Variants in TENM2 observed in about 807,000 individuals in gnomAD.
TENM2 encodes the protein teneurin transmembrane protein 2.
Under a neutral mutation model 245.2 loss-of-function variants are expected in TENM2, and 52 were observed. That is an observed-to-expected ratio of 0.21 (90% CI 0.17 to 0.27). The LOEUF (loss-of-function observed/expected upper bound fraction) is 0.27. Among genes scored for constraint, TENM2 ranks in the 10% least tolerant of loss-of-function variants. The pLI is 1.00. For missense variants in TENM2, 3,046 were observed against 3,666.8 expected, an observed-to-expected ratio of 0.83 and a Z score of 4.37; for synonymous variants, 1,363 against 1,438.9, an observed-to-expected ratio of 0.95 and a Z score of 1.19.
intron 1 of TENM2, among the ~76,000 whole-genome samples, chr5:167,370,818 A>C (rs1760371967): frequency 6.6e-6 from 1 of 152,218 alleles, no homozygotes; most frequent in Non-Finnish European, 1.5e-5. Flanking sequence ...AGTAAAGAAG[A>C]ATGAAGGGTT....
chr5:168,092,617 C>T (rs535335873), intron 8 of TENM2, among the ~76,000 whole-genome samples: 50 of 152,138 alleles, frequency 3.3e-4, no homozygotes, highest in African/African-American at 9.9e-4. Context: ...TAGGTACCAA[C>T]GGGGAAGAAA....
At chr5:167,223,756 A>G in the TENM2 span, among the ~76,000 whole-genome samples, 3 of 152,108 alleles carry the variant, frequency 2.0e-5, no homozygotes, top group African/African-American at 7.2e-5. Flanking sequence ...GTTTTTTGAG[A>G]AATCTCCATA....
At chr5:167,762,019 G>T (rs889089697) in intron 2 of TENM2, among the ~76,000 whole-genome samples, 1 of 152,188 alleles carries the variant, frequency 6.6e-6, no homozygotes, top group Non-Finnish European at 1.5e-5. Flanking sequence ...TTAAGTACAT[G>T]CAGAAGCGCT....
intron 2 of TENM2, among the ~76,000 whole-genome samples, chr5:167,555,134 C>T (rs2127629232): frequency 6.6e-6 from 1 of 152,280 alleles, no homozygotes; most frequent in Non-Finnish European, 1.5e-5. Context: ...CAAACACACA[C>T]ACTTGTTTCC....
intron 9 of TENM2, among the ~76,000 whole-genome samples, chr5:168,111,423 G>A (rs948965475): frequency 1.3e-5 from 2 of 152,146 alleles, no homozygotes; most frequent in Non-Finnish European, 2.9e-5. Flanking sequence ...ACTCTGGGCA[G>A]GACGGTGGCA....
intron 5 of TENM2, among the ~76,000 whole-genome samples, chr5:168,013,562 C>T (rs760639666): frequency 2.6e-5 from 4 of 152,102 alleles, no homozygotes; most frequent in Non-Finnish European, 5.9e-5. Context: ...CGAGATCGTG[C>T]CACTGCACTC....
intron 2 of TENM2, among the ~76,000 whole-genome samples, chr5:167,417,696 G>T (rs1763245632): frequency 6.6e-6 from 1 of 152,128 alleles, no homozygotes; most frequent in Admixed American, 6.6e-5. Flanking sequence ...AAACAGAGGT[G>T]TGAAACAACT....
chr5:167,961,979 A>G (rs1217408762), intron 4 of TENM2, among the ~76,000 whole-genome samples: 1 of 152,180 alleles, frequency 6.6e-6, no homozygotes, highest in African/African-American at 2.4e-5. Context: ...ACATAAACAT[A>G]TCTCCCAGCT....
At chr5:167,071,878 G>GCCCCCCCCCCCCCCCCCACCCCC in the TENM2 span, among the ~76,000 whole-genome samples, 2 of 124,026 alleles carry the variant, frequency 1.6e-5, no homozygotes, top group African/African-American at 5.8e-5. Context: ...TTGACAAATC[G>GCCCCCCCCCCCCCCCCCACCCCC]CCCCCCCCCG....
intron 4 of TENM2, among the ~76,000 whole-genome samples, chr5:167,957,190 G>T (rs1177724797): frequency 6.6e-6 from 1 of 151,968 alleles, no homozygotes; most frequent in African/African-American, 2.4e-5. Flanking sequence ...ACTTCTTCCT[G>T]GTTTAGTCTT....
chr5:167,651,773 A>G (rs990047850), intron 2 of TENM2, among the ~76,000 whole-genome samples: 6 of 152,152 alleles, frequency 3.9e-5, no homozygotes, highest in African/African-American at 1.2e-4. Context: ...CTTTGGTCCA[A>G]TATAGGTCAA....
In TENM2 at chr5:168,007,756, C is replaced by T. The variant is rs867629458; in HGVS notation, c.1186+14574C>T. The stretch of plus-strand genomic sequence containing the variant: ...ACCTGATTTGTAGTCTTAACAGTTC[C>T]TCATTTGAAGGGCTAGCTGGGTATT... On this transcript the variant is annotated intron_variant, in intron 5 of 28. Coordinates refer to ENST00000518659, the Ensembl canonical transcript of TENM2. 3.9e-5 allele frequency among the ~76,000 whole-genome samples: 6 copies of T among 152,250 alleles called. No individual in the cohort carries two copies. In the South Asian group the frequency reaches 1.2e-3, roughly 32 times the overall value.
chr5:168,044,930 TA>T (rs71593157), intron 5 of TENM2, among the ~76,000 whole-genome samples: 298 of 137,194 alleles, frequency 2.2e-3, no homozygotes, highest in Middle Eastern at 0.011. Flanking sequence ...AATGGCTGAT[TA>T]AAAAAAAAAA....
At chr5:167,012,169 G>T in the TENM2 span, among the ~76,000 whole-genome samples, 1 of 152,138 alleles carries the variant, frequency 6.6e-6, no homozygotes, top group Non-Finnish European at 1.5e-5. Context: ...AACACATTCA[G>T]AATGAAAAGC....
Position 167,625,376 on chromosome 5 carries a change from C to G in TENM2, c.502+249903C>G, listed in dbSNP as rs150540662. Among the ~76,000 whole-genome samples, 31 of 152,120 alleles carry G rather than the reference C, an allele frequency of 2.0e-4. No homozygotes were observed. In the East Asian group the frequency reaches 6.0e-3, roughly 29 times the overall value. On this transcript the variant is annotated intron_variant, in intron 2 of 28. Transcript: ENST00000518659. The stretch of plus-strand genomic sequence containing the variant: ...AGATTTTTTTTCAGTTCATGTTTAC[C>G]TTAATTATTTTATTATCACATACCA...
chr5:168,091,251 T>A (rs1276932605), intron 8 of TENM2, among the ~76,000 whole-genome samples: 1 of 152,202 alleles, frequency 6.6e-6, no homozygotes, highest in Non-Finnish European at 1.5e-5. Flanking sequence ...AAGTGATTTT[T>A]AAAAAAACTT....
the TENM2 span, among the ~76,000 whole-genome samples, chr5:167,228,019 C>A: frequency 2.2e-4 from 31 of 143,098 alleles, no homozygotes; most frequent in East Asian, 3.8e-3. Flanking sequence ...GAGATTCTTT[C>A]TTTTTCTTCT....
At chr5:168,066,824 C>T (rs1209545831) in intron 7 of TENM2, among the ~76,000 whole-genome samples, 1 of 152,156 alleles carries the variant, frequency 6.6e-6, no homozygotes, top group Non-Finnish European at 1.5e-5. Context: ...GTCAGATTTG[C>T]TCAGCCCTGG....
chr5:168,008,979 T>G (rs2152069486), intron 5 of TENM2, among the ~76,000 whole-genome samples: 1 of 152,346 alleles, frequency 6.6e-6, no homozygotes, highest in African/African-American at 2.4e-5. Flanking sequence ...GCATTCACTT[T>G]GGATTTTGTA....
Sources: allele counts gnomAD v4.1 joint callset (sites outside exome capture counted in the v4.1 genomes callset), GRCh38; gene constraint gnomAD v4.1.1; transcripts MANE v1.5; gene names NCBI Gene and HGNC (gene_info 2026-07-23, HGNC 2026-07-21).